DCLRE1C: variants seen among roughly 807,000 people sequenced by gnomAD.
DCLRE1C encodes the protein protein artemis.
DCLRE1C carries 47 observed loss-of-function variants against 61.4 expected under a neutral mutation model. That is an observed-to-expected ratio of 0.77 (90% CI 0.61 to 0.98). The LOEUF is 0.98. Ranked by LOEUF, DCLRE1C falls within the 50% of genes least tolerant of loss-of-function variation. The probability of loss-of-function intolerance (pLI) is 0.00; values close to 1 mark genes in which losing one functional copy is unlikely to be tolerated. For synonymous variants in DCLRE1C, 337 were observed against 287.6 expected (o/e 1.17, Z -1.74); for missense variants, 858 against 816.0 (o/e 1.05, Z -0.63).
intron 13 of DCLRE1C, among the ~76,000 whole-genome samples, chr10:14,912,553 A>G (rs1006398546): frequency 1.3e-5 from 2 of 152,226 alleles, no homozygotes; most frequent in African/African-American, 2.4e-5. Flanking sequence ...GGATAAATAA[A>G]ATGTTGTATG....
Position 14,909,070 on chromosome 10 carries a change from G to C in DCLRE1C, c.1417C>G (p.Leu473Val), listed in dbSNP as rs757055066. Residue 473 changes from leucine to valine, a missense_variant, in exon 14 of 14, where the codon CTG becomes GTG. Physicochemically the swap from Leu to Val is conservative, Grantham distance 32. Coordinates refer to ENST00000378278, the MANE Select transcript of DCLRE1C (RefSeq NM_001033855.3). ...TTTTGCAGGTGAAGTACAGAGCCCAGATCTCCTTGCAGTGAAGCTGGGATT... is the reference window on the plus strand; with the variant it reads ...TTTTGCAGGTGAAGTACAGAGCCCACATCTCCTTGCAGTGAAGCTGGGATT... ...VGIPASLQGD[L>V]GSVLHLQKAD... 1 of 1,614,188 alleles carries C rather than the reference G, an allele frequency of 6.2e-7. No individual in the cohort carries two copies. Among genetic ancestry groups the C allele is most frequent in the Admixed American group, 1.7e-5 (1 of 60,026 alleles).
At chr10:14,901,666 A>G (rs373461305), downstream of DCLRE1C, among the ~76,000 whole-genome samples, 12 of 151,766 alleles carry the variant, frequency 7.9e-5, no homozygotes, top group Admixed American at 1.3e-4. Context: ...CTCTGTCTCT[A>G]CAAAATATGA....
At chr10:14,930,076 C>T (rs138457723) in intron 9 of DCLRE1C, among the ~76,000 whole-genome samples, 5 of 152,242 alleles carry the variant, frequency 3.3e-5, no homozygotes, top group Admixed American at 3.3e-4. Flanking sequence ...GGGCCCAATA[C>T]TATGAGTCCA....
rs554063284 is a variant in DCLRE1C at position 14,927,381 on chromosome 10, T to G, written c.918-484A>C. On this transcript the variant is annotated intron_variant, in intron 10 of 13. Transcript: ENST00000378278. ...GCCTGAGTGACAGAGTGAGATTCTT[T>G]CTCCACACAAAAAAAAAAGAAGGGA... is the stretch of plus-strand genomic sequence containing the variant. 2.3e-4 allele frequency among the ~76,000 whole-genome samples: 28 copies of G among 124,002 alleles called. 1 individual carries two copies. In the East Asian group the frequency reaches 7.3e-3, roughly 32 times the overall value. 81.4% of individuals were successfully genotyped at this position (124,002 alleles called of 152,430 possible).
At chr10:14,899,526 T>A in intron 13 of DCLRE1C, 1 of 1,613,202 alleles carries the variant, frequency 6.2e-7, no homozygotes, top group Non-Finnish European at 8.5e-7. Flanking sequence ...TACTTACAGT[T>A]TTTTCTGTTT....
chr10:14,919,838 A>G lies in DCLRE1C; in HGVS notation c.1062-6T>C. 2.5e-6 allele frequency: 4 copies of G among 1,601,968 alleles called. No homozygotes were observed. The highest frequency in any genetic ancestry group is 1.3e-5 in the African/African-American group (1 of 74,786). ...ACCGGCATAAAGGCTTTAAGCTGAA[A>G]TGAATCAGAATATTTGATTTTTCCT... On this transcript the variant is annotated splice_polypyrimidine_tract_variant and splice_region_variant and intron_variant, in intron 12 of 13. Coordinates refer to ENST00000378278, the MANE Select transcript of DCLRE1C (RefSeq NM_001033855.3).
chr10:14,918,289 ACTC>A (rs1836532691), intron 13 of DCLRE1C, among the ~76,000 whole-genome samples: 1 of 152,184 alleles, frequency 6.6e-6, no homozygotes, highest in Non-Finnish European at 1.5e-5. Flanking sequence ...GAGGTGGCCT[ACTC>A]CTTATCAATA....
At chr10:14,925,225 TAAAAAA>T (rs67477083) in intron 11 of DCLRE1C, among the ~76,000 whole-genome samples, 4 of 109,328 alleles carry the variant, frequency 3.7e-5, no homozygotes, top group East Asian at 2.7e-4. Flanking sequence ...ATAAAGGATT[TAAAAAA>T]AAAAAAAAAA....
Position 14,908,931 on chromosome 10 carries a change from G to A in DCLRE1C, c.1556C>T (p.Pro519Leu), listed in dbSNP as rs542791233. ...SSTVAGGSQSPKLFSDSDGES... is the reference protein window; with the variant it reads ...SSTVAGGSQSLKLFSDSDGES... ...TCCATCAGAGTCACTGAAAAGCTTT[G>A]GTGACTGAGATCCCCCTGCCACTGT... Residue 519 changes from proline (P) to leucine (L), a missense_variant, in exon 14 of 14, where the codon CCA becomes CTA. Physicochemically the swap from Pro to Leu is moderately conservative, Grantham distance 98. This residue lies in a region of DCLRE1C where 843 missense variants were observed against 783.5 expected (regional missense o/e 1.08). Coordinates refer to ENST00000378278, the MANE Select transcript of DCLRE1C (RefSeq NM_001033855.3). 3.5e-5 allele frequency: 56 copies of A among 1,614,112 alleles called. No homozygotes were observed. In the South Asian group the frequency reaches 5.9e-4, roughly 17 times the overall value.
chr10:14,927,506 C>G (rs1222647451), intron 10 of DCLRE1C, among the ~76,000 whole-genome samples: 1 of 144,500 alleles, frequency 6.9e-6, no homozygotes, highest in Non-Finnish European at 1.5e-5. Flanking sequence ...TCTATTCCAC[C>G]AAGGGTTCTG....
At chr10:14,897,646 T>C in exon 14 of DCLRE1C, 2 of 836,802 alleles carry the variant, frequency 2.4e-6, no homozygotes, top group Non-Finnish European at 3.3e-6. Context: ...TGTAGAAATT[T>C]ATTCAGATTT....
intron 13 of DCLRE1C, among the ~76,000 whole-genome samples, chr10:14,910,276 G>C (rs1246802079): frequency 1.3e-5 from 2 of 152,168 alleles, no homozygotes; most frequent in African/African-American, 4.8e-5. Flanking sequence ...ACTGAACTTA[G>C]GGCTTAAGGT....
intron 12 of DCLRE1C, 74 bp downstream of exon 12, chr10:14,922,907 G>C (rs536632412): frequency 1.6e-5 from 17 of 1,038,052 alleles, no homozygotes; most frequent in Admixed American, 6.8e-5. Flanking sequence ...TAAACATTCA[G>C]GCAAACTCTC....
At position 14,908,986 on chromosome 10, in the gene DCLRE1C, C is replaced by T. The variant is rs755622031; in HGVS notation, c.1501G>A (p.Asp501Asn). Residue 501 changes from aspartate (D) to asparagine (N), a missense_variant, in exon 14 of 14, where the codon GAT becomes AAT. Coordinates refer to ENST00000378278, the MANE Select transcript of DCLRE1C (RefSeq NM_001033855.3). ...GAAGGGAAGTTTTCCAAACTCTCAT[C>T]TGTGATTTCATCATTTCTTTTAAAG... ...VFFKRNDEIT[D>N]ESLENFPSST... 1 of 1,614,126 alleles carries T rather than the reference C, an allele frequency of 6.2e-7. No homozygotes were observed. The highest frequency in any genetic ancestry group is 8.5e-7 in the Non-Finnish European group (1 of 1,180,002).
intron 2 of DCLRE1C, among the ~76,000 whole-genome samples, chr10:14,948,446 T>C (rs1485387864): frequency 1.3e-5 from 2 of 152,190 alleles, no homozygotes; most frequent in Admixed American, 1.3e-4. Context: ...CAGTATTATA[T>C]GATCCTTTAC....
chr10:14,923,154 A>C, intron 11 of DCLRE1C, 85 bp from the exon 12 acceptor site: 1 of 1,023,650 alleles, frequency 9.8e-7, no homozygotes, highest in Non-Finnish European at 1.5e-6. Flanking sequence ...GGGGAAAGAG[A>C]AGCAGAACTC....
chr10:14,913,213 A>G (rs1365109897), intron 13 of DCLRE1C, among the ~76,000 whole-genome samples: 4 of 152,246 alleles, frequency 2.6e-5, no homozygotes, highest in Admixed American at 2.6e-4. Context: ...GACAAACCAT[A>G]GATTAGTTGC....
chr10:14,941,486 A>G (rs57598654), intron 3 of DCLRE1C, among the ~76,000 whole-genome samples: 6,011 of 152,052 alleles, frequency 0.04, 148 homozygotes, highest in African/African-American at 0.088. Context: ...GGGGTTTTGC[A>G]GTATTGCCCA....
intron 11 of DCLRE1C, among the ~76,000 whole-genome samples, chr10:14,924,865 A>G (rs1448786673): frequency 6.6e-6 from 1 of 151,840 alleles, no homozygotes; most frequent in African/African-American, 2.4e-5. Context: ...AAATAAATAA[A>G]AATTAAAAAA....
Sources: allele counts gnomAD v4.1 joint callset (sites outside exome capture counted in the v4.1 genomes callset), GRCh38; gene constraint gnomAD v4.1.1; regional missense constraint gnomAD v4.1.1; transcripts MANE v1.5; gene names NCBI Gene and HGNC (gene_info 2026-07-23, HGNC 2026-07-21).